The following ATR variants were observed in gnomAD, a reference collection of about 807,000 sequenced individuals.
ATR encodes ATR checkpoint kinase.
Under a neutral mutation model 305.3 loss-of-function variants are expected in ATR, and 142 were observed. The ratio of observed to expected loss-of-function variants is 0.47; its 90% CI spans 0.41 to 0.53. The LOEUF (loss-of-function observed/expected upper bound fraction) is 0.53. Ranked by LOEUF, ATR falls within the 20% of genes least tolerant of loss-of-function variation. The pLI is 0.00. For missense variants in ATR, 2,135 were observed against 3,133.1 expected, an observed-to-expected ratio of 0.68 and a Z score of 7.60; for synonymous variants, 1,050 against 1,068.1, an observed-to-expected ratio of 0.98 and a Z score of 0.33.
At chr3:142,485,730 A>C (rs987551662) in intron 35 of ATR, among the ~76,000 whole-genome samples, 4 of 152,134 alleles carry the variant, frequency 2.6e-5, no homozygotes, top group Non-Finnish European at 5.9e-5. Context: ...AAAGCATAAA[A>C]ATTTTGGTAA....
At position 142,561,284 on chromosome 3, in the gene ATR, C is replaced by T. The variant is rs546642861; in HGVS notation, c.1308G>A (p.Ser436=). The part of the protein sequence containing the change: ...GISPKRRRLS[S]SLNPSKRAPK... Reference sequence around the variant, plus strand: ...GTGCTCTTTTAGAAGGGTTTAGAGACGAGCTGAGACGACGCCTTTTGGGTG... The same window carrying T: ...GTGCTCTTTTAGAAGGGTTTAGAGATGAGCTGAGACGACGCCTTTTGGGTG... Residue 436 remains serine, a synonymous_variant, in exon 5 of 47, where the codon TCG becomes TCA. Transcript: ENST00000350721. The T allele has an allele frequency of 3.5e-5, 57 of 1,614,050 alleles. No homozygotes were observed. Among genetic ancestry groups the T allele is most frequent in the African/African-American group, 2.8e-4 (21 of 75,014 alleles).
intron 39 of ATR, among the ~76,000 whole-genome samples, chr3:142,467,391 A>ATT (rs1464443430): frequency 1.4e-4 from 21 of 152,126 alleles, no homozygotes; most frequent in African/African-American, 4.8e-4. Flanking sequence ...TAGTTCCCTA[A>ATT]AAGACTGTAA....
rs1577684647 is a variant in ATR, at chr3:142,553,461, C to T, written c.2634-63G>A. 4.8e-6 allele frequency: 7 copies of T among 1,449,878 alleles called. No homozygotes were observed. The South Asian group carries it at 7.0e-5, about 14-fold the overall frequency. 89.8% of individuals were successfully genotyped at this position (1,449,878 alleles called of 1,614,324 possible). On this transcript the variant is annotated intron_variant, in intron 12 of 46. Transcript: ENST00000350721. ...ACACACACACACACACACACACATA[C>T]ACACACATATGTATCTCCAATATCC...
Position 142,450,656 on chromosome 3 carries a change from G to A in ATR, c.7762-1054C>T. ...TACAAGGTCAGGAATAAATTAGATG[G>A]TCAGTATTATGCAATTTAAAAAATC... On this transcript the variant is annotated intron_variant, in intron 46 of 46. Coordinates refer to ENST00000350721, the MANE Select transcript of ATR (RefSeq NM_001184.4). 6 of 1,604,750 alleles carry A rather than the reference G, an allele frequency of 3.7e-6. No homozygotes were observed. In the South Asian group the frequency reaches 6.6e-5, roughly 18 times the overall value.
In ATR at chr3:142,575,788, T is replaced by C. The variant is rs993599067; in HGVS notation, c.59+2858A>G. Reference sequence around the variant, plus strand: ...CAAACGATTAAAGGCAGGAACAGCCTTGGTATCCTGGAGAAACAAGGTCAG... The same window carrying C: ...CAAACGATTAAAGGCAGGAACAGCCCTGGTATCCTGGAGAAACAAGGTCAG... On this transcript the variant is annotated intron_variant, in intron 1 of 46. Coordinates refer to ENST00000350721, the MANE Select transcript of ATR (RefSeq NM_001184.4). Among the ~76,000 whole-genome samples the C allele has an allele frequency of 1.8e-4, 27 of 152,240 alleles. 1 individual carries two copies. Among genetic ancestry groups the C allele is most frequent in the Non-Finnish European group, 5.9e-5 (4 of 68,034 alleles).
chr3:142,506,521 T>C (rs1266042550), intron 28 of ATR, among the ~76,000 whole-genome samples: 1 of 151,916 alleles, frequency 6.6e-6, no homozygotes, highest in Non-Finnish European at 1.5e-5. Context: ...ACCCCGTCTC[T>C]ACAAAAAATA....
chr3:142,451,364 G>A, intron 46 of ATR: 1 of 1,372,002 alleles, frequency 7.3e-7, no homozygotes, highest in Non-Finnish European at 9.6e-7. Flanking sequence ...TGGAAGGTGT[G>A]TTTTACATAC....
rs1232380713 is a variant in ATR, at chr3:142,459,906, A to ATT, written c.7193-525_7193-524dup. Among the ~76,000 whole-genome samples the ATT allele has an allele frequency of 8.5e-5, 13 of 152,266 alleles. No homozygotes were observed. The East Asian group carries it at 2.5e-3, about 29-fold the overall frequency. On this transcript the variant is annotated intron_variant, in intron 42 of 46. Transcript: ENST00000350721. The stretch of plus-strand genomic sequence containing the variant: ...ATAGTTCCAGAATACAAGACTCAAA[A>ATT]TTAAGTCCCATATGAATGAACTTAT...
chr3:142,462,809 G>A (rs1185891624), intron 41 of ATR, among the ~76,000 whole-genome samples: 1 of 152,168 alleles, frequency 6.6e-6, no homozygotes, highest in East Asian at 1.9e-4. Context: ...AAGAGCATGA[G>A]TTCTATGACA....
At position 142,498,694 on chromosome 3, in the gene ATR, C is replaced by T. The variant is rs780593003; in HGVS notation, c.5461G>A (p.Asp1821Asn). ...TCTGCTCTCACTAGTTTCAGTGAGTCATAAAAAGCTGTGATATCTCTTTTT... is the reference window on the plus strand; with the variant it reads ...TCTGCTCTCACTAGTTTCAGTGAGTTATAAAAAGCTGTGATATCTCTTTTT... ...AKKRDITAFY[D>N]SLKLVRAEQI... Residue 1821 changes from aspartate (D) to asparagine (N), a missense_variant, in exon 32 of 47, where the codon GAC (aspartate) becomes AAC (asparagine). By Grantham distance (23) the Asp-to-Asn change is conservative. Around this residue, in one of 9 missense-constraint regions of ATR, gnomAD observed 117 missense variants for 198.3 expected, o/e 0.59. Transcript: ENST00000350721. 1 of 1,613,882 alleles carries T rather than the reference C, an allele frequency of 6.2e-7. No individual in the cohort carries two copies. Among genetic ancestry groups the T allele is most frequent in the South Asian group, 1.1e-5 (1 of 91,052 alleles).
chr3:142,503,928 A>G (rs73240305), intron 29 of ATR, among the ~76,000 whole-genome samples: 20,519 of 152,260 alleles, frequency 0.13, 1,446 homozygotes, highest in Non-Finnish European at 0.16. Flanking sequence ...AGATTGTCAT[A>G]TTTCTCACAT....
intron 18 of ATR, among the ~76,000 whole-genome samples, 178 bp downstream of exon 18, chr3:142,540,726 C>T (rs554789789): frequency 6.6e-6 from 1 of 152,170 alleles, no homozygotes; most frequent in Non-Finnish European, 1.5e-5. Context: ...TGTTAAAAGA[C>T]TTCCATAGTA....
At chr3:142,572,702 G>A (rs1339949097) in intron 1 of ATR, among the ~76,000 whole-genome samples, 1 of 151,968 alleles carries the variant, frequency 6.6e-6, no homozygotes. Context: ...TTGAGCCTGG[G>A]AGGCTACAGT....
At chr3:142,536,735 A>G (rs962825471) in intron 19 of ATR, among the ~76,000 whole-genome samples, 1 of 152,190 alleles carries the variant, frequency 6.6e-6, no homozygotes, top group Admixed American at 6.6e-5. Flanking sequence ...CACTTGTAAG[A>G]CCAGTAGAAC....
intron 3 of ATR, among the ~76,000 whole-genome samples, chr3:142,565,198 A>G (rs1423704685): frequency 6.6e-6 from 1 of 152,180 alleles, no homozygotes; most frequent in East Asian, 1.9e-4. Context: ...AATAGCCTCT[A>G]TGATAGATGA....
chr3:142,454,822 T>A (rs2070870683), intron 45 of ATR, among the ~76,000 whole-genome samples: 1 of 152,194 alleles, frequency 6.6e-6, no homozygotes, highest in South Asian at 2.1e-4. Flanking sequence ...ACAGCTAACA[T>A]CATACTTAAA....
At chr3:142,451,575 C>A in intron 46 of ATR, 3 of 1,314,308 alleles carry the variant, frequency 2.3e-6, no homozygotes, top group Non-Finnish European at 3.0e-6. Context: ...TTCATCCCAG[C>A]AGTTGGAAGG....
intron 32 of ATR, 73 bp from the exon 33 acceptor site, chr3:142,497,265 C>A: frequency 1.4e-6 from 2 of 1,461,028 alleles, no homozygotes; most frequent in East Asian, 2.3e-5. Flanking sequence ...AAAGCAAGTA[C>A]TTTAAATCAG....
At chr3:142,452,615 C>T (rs745833419) in intron 46 of ATR, 10 of 861,496 alleles carry the variant, frequency 1.2e-5, no homozygotes, top group African/African-American at 7.4e-5. Context: ...CAGAGGTTGC[C>T]GTGAGCCAAG....
Sources: allele counts gnomAD v4.1 joint callset (sites outside exome capture counted in the v4.1 genomes callset), GRCh38; gene constraint gnomAD v4.1.1; regional missense constraint gnomAD v4.1.1; transcripts MANE v1.5; gene names NCBI Gene and HGNC (gene_info 2026-07-23, HGNC 2026-07-21).